Variants in GRIN2B observed in about 807,000 individuals in gnomAD.
GRIN2B encodes the protein glutamate receptor ionotropic, NMDA 2B.
In GRIN2B, 5 loss-of-function variants were observed where a neutral mutation model predicts 114.5. The ratio of observed to expected loss-of-function variants is 0.04; its 90% CI spans 0.02 to 0.09. The LOEUF (loss-of-function observed/expected upper bound fraction) is 0.09, where lower values mean the gene tolerates loss of function less well. Ranked by LOEUF, GRIN2B falls within the 10% of genes least tolerant of loss-of-function variation. GRIN2B has a pLI of 1.00. For missense variants in GRIN2B, 1,108 were observed against 1,943.5 expected, an observed-to-expected ratio of 0.57 and a Z score of 8.08; for synonymous variants, 787 against 745.1, an observed-to-expected ratio of 1.06 and a Z score of -0.92.
intron 3 of GRIN2B, among the ~76,000 whole-genome samples, chr12:13,846,358 C>T (rs1382866922): frequency 6.6e-6 from 1 of 152,134 alleles, no homozygotes; most frequent in Non-Finnish European, 1.5e-5. Context: ...AAATATTAGC[C>T]CTACTCTCTT....
intron 4 of GRIN2B, among the ~76,000 whole-genome samples, chr12:13,726,363 T>A (rs558290849): frequency 1.6e-4 from 25 of 151,724 alleles, no homozygotes; most frequent in Non-Finnish European, 1.5e-4. Context: ...GGTGAAACCT[T>A]GTCTCTACTA....
intron 3 of GRIN2B, among the ~76,000 whole-genome samples, chr12:13,812,727 ATCAGATATGTCGAT>A (rs1265899196): frequency 1.3e-5 from 2 of 152,154 alleles, no homozygotes; most frequent in African/African-American, 4.8e-5. Flanking sequence ...GAAAGGTAAG[ATCAGATATGTCGAT>A]TCAGGGTGTT....
intron 4 of GRIN2B, among the ~76,000 whole-genome samples, chr12:13,717,232 C>T (rs1950463850): frequency 6.6e-6 from 1 of 151,500 alleles, no homozygotes; most frequent in Non-Finnish European, 1.5e-5. Context: ...TCCCAGGAGA[C>T]TTGGGATTCA....
chr12:13,565,378 ATTTATTCTCTCT>A (rs912694845), intron 13 of GRIN2B, among the ~76,000 whole-genome samples: 1 of 152,196 alleles, frequency 6.6e-6, no homozygotes, highest in African/African-American at 2.4e-5. Context: ...GAATTCTCTC[ATTTATTCTCTCT>A]TTAGCTCCTG....
At chr12:13,960,779 A>G (rs747662607) in intron 2 of GRIN2B, among the ~76,000 whole-genome samples, 1 of 152,150 alleles carries the variant, frequency 6.6e-6, no homozygotes, top group Non-Finnish European at 1.5e-5. Flanking sequence ...TAATGAAGAG[A>G]CGGATTGGGT....
Position 13,638,838 on chromosome 12 carries a change from G to A in GRIN2B, c.1126-22181C>T, listed in dbSNP as rs530957340. Among the ~76,000 whole-genome samples the A allele has an allele frequency of 3.9e-5, 6 of 152,160 alleles. No homozygotes were observed. The South Asian group carries it at 1.2e-3, about 32-fold the overall frequency. ...CCATCCTACTCCATCTATGGAAATG[G>A]AAGGGTCTGAATTTTCTGGACATTA... On this transcript the variant is annotated intron_variant, in intron 5 of 13. Transcript: ENST00000609686.
chr12:13,904,164 T>C (rs1866501478), intron 2 of GRIN2B, among the ~76,000 whole-genome samples: 1 of 151,844 alleles, frequency 6.6e-6, no homozygotes, highest in Admixed American at 6.6e-5. Context: ...CTTAAATTTA[T>C]CACCTTATTT....
At chr12:13,851,168 C>T (rs1591766986) in intron 3 of GRIN2B, among the ~76,000 whole-genome samples, 1 of 152,264 alleles carries the variant, frequency 6.6e-6, no homozygotes, top group African/African-American at 2.4e-5. Context: ...TGGGTTAAGA[C>T]CCTTAACAAC....
intron 3 of GRIN2B, among the ~76,000 whole-genome samples, chr12:13,816,994 T>C (rs1386648213): frequency 6.6e-6 from 1 of 152,194 alleles, no homozygotes; most frequent in Non-Finnish European, 1.5e-5. Flanking sequence ...TTTGTCTGCC[T>C]GGATGCCAGC....
At chr12:13,802,571 C>T (rs748242899) in intron 3 of GRIN2B, among the ~76,000 whole-genome samples, 16 of 151,962 alleles carry the variant, frequency 1.1e-4, no homozygotes, top group Non-Finnish European at 2.2e-4. Context: ...ATATAAAATA[C>T]TGAATAGAGA....
chr12:13,809,482 G>T (rs988528736), intron 3 of GRIN2B, among the ~76,000 whole-genome samples: 5 of 152,132 alleles, frequency 3.3e-5, no homozygotes, highest in African/African-American at 1.2e-4. Flanking sequence ...ATGTATGTCT[G>T]GTGCTGCTTA....
rs566776310 is a variant in GRIN2B at position 13,615,208 on chromosome 12, C to T, written c.1560G>A (p.Ser520=). The T allele has an allele frequency of 2.7e-5, 44 of 1,613,706 alleles. 1 individual carries two copies. The South Asian group carries it at 3.4e-4, about 12-fold the overall frequency. ...VGSLTINEER[S]EVVDFSVPFI... is the part of the protein sequence containing the mutation. Reference sequence around the variant, plus strand: ...AGGGCACAGAGAAGTCGACCACCTCCGATCGTTCCTCATTGATGGTGAGTG... The same window carrying T: ...AGGGCACAGAGAAGTCGACCACCTCTGATCGTTCCTCATTGATGGTGAGTG... The change falls in exon 8 of 14, where the codon TCG becomes TCA. Residue 520 remains serine, a synonymous_variant. Transcript: ENST00000609686. The surrounding 1 kb of genome is among the most constrained non-coding windows in gnomAD (Gnocchi z 5.8).
At chr12:13,875,207 T>G (rs1865976008) in intron 2 of GRIN2B, among the ~76,000 whole-genome samples, 1 of 151,958 alleles carries the variant, frequency 6.6e-6, no homozygotes, top group African/African-American at 2.4e-5. Context: ...ACCCCAGAAC[T>G]TAAAATAAAA....
In GRIN2B at chr12:13,572,037, AATGTGAAGAGACATT is replaced by A. The variant is rs1490128885; in HGVS notation, c.2011-88_2011-74del. 9.0e-6 allele frequency: 11 copies of A among 1,227,208 alleles called. No homozygotes were observed. In the African/African-American group the frequency reaches 1.3e-4, roughly 15 times the overall value. 76.0% of individuals were successfully genotyped at this position (1,227,208 alleles called of 1,614,324 possible). ...GAGAGAGAGAAAAGTCATTTTAGAA[AATGTGAAGAGACATT>A]AAGTAAGTTAGCATTAGTGGATTTA... On this transcript the variant is annotated intron_variant, in intron 10 of 13. Transcript: ENST00000609686.
At chr12:13,751,108 G>A (rs1863477522) in intron 4 of GRIN2B, among the ~76,000 whole-genome samples, 1 of 152,098 alleles carries the variant, frequency 6.6e-6, no homozygotes, top group Admixed American at 6.6e-5. Context: ...ACAGAGAGAG[G>A]AAAGAGCTGG....
In GRIN2B at chr12:13,927,986, G is replaced by T. The variant is rs112399354; in HGVS notation, c.-19+51942C>A. Among the ~76,000 whole-genome samples the T allele has an allele frequency of 7.5e-5, 3 of 40,096 alleles. No individual in the cohort carries two copies. In the South Asian group the frequency reaches 2.2e-3, roughly 29 times the overall value. The allele number at this position is 40,096 out of a possible 152,430, so 26.3% of individuals were successfully genotyped here. ...TGTCTCAAAAAAAAAAAAAAAAGGGGGGGTATGCTGTGGAAAGGATGATAA... is the reference window on the plus strand; with the variant it reads ...TGTCTCAAAAAAAAAAAAAAAAGGGTGGGTATGCTGTGGAAAGGATGATAA... On this transcript the variant is annotated intron_variant, in intron 2 of 13. Coordinates refer to ENST00000609686, the MANE Select transcript of GRIN2B (RefSeq NM_000834.5).
chr12:13,671,921 A>G (rs560616524), intron 5 of GRIN2B, among the ~76,000 whole-genome samples: 2 of 152,262 alleles, frequency 1.3e-5, no homozygotes, highest in South Asian at 4.1e-4. Flanking sequence ...AGTAAGCAAA[A>G]CGCCAGATAA....
intron 5 of GRIN2B, among the ~76,000 whole-genome samples, chr12:13,659,511 C>T (rs1326997353): frequency 6.6e-6 from 1 of 152,142 alleles, no homozygotes; most frequent in Non-Finnish European, 1.5e-5. Flanking sequence ...CATTTCATGG[C>T]TTCCGATTGC....
chr12:13,850,097 A>G (rs2008625), intron 3 of GRIN2B, among the ~76,000 whole-genome samples: 144,381 of 152,212 alleles, frequency 0.95, 68,942 homozygotes, highest in East Asian at 1. Context: ...GGGCAACACC[A>G]ACACTGACTG....
Sources: allele counts gnomAD v4.1 joint callset (sites outside exome capture counted in the v4.1 genomes callset), GRCh38; gene constraint gnomAD v4.1.1; non-coding constraint Gnocchi (gnomAD v3.1); transcripts MANE v1.5; gene names NCBI Gene and HGNC (gene_info 2026-07-23, HGNC 2026-07-21).